SYNJ1: variants seen among roughly 807,000 people sequenced by gnomAD.
SYNJ1 encodes synaptojanin 1.
Under a neutral mutation model 168.2 loss-of-function variants are expected in SYNJ1, and 78 were observed. The observed-to-expected ratio is 0.46, with a 90% CI of 0.39 to 0.56. The LOEUF (loss-of-function observed/expected upper bound fraction) is 0.56, where lower values mean the gene tolerates loss of function less well. Ranked by LOEUF, SYNJ1 falls within the 20% of genes least tolerant of loss-of-function variation. The pLI, the probability that SYNJ1 is intolerant of heterozygous loss-of-function variation, is 0.00. For synonymous variants in SYNJ1, 539 were observed against 548.6 expected, an observed-to-expected ratio of 0.98 and a Z score of 0.24; for missense variants, 1,303 against 1,597.6, an observed-to-expected ratio of 0.82 and a Z score of 3.14.
At chr21:32,669,143 T>A (rs2041077593) in intron 15 of SYNJ1, among the ~76,000 whole-genome samples, 1 of 152,224 alleles carries the variant, frequency 6.6e-6, no homozygotes, top group Non-Finnish European at 1.5e-5. Context: ...TACTGACTTA[T>A]GATCTGTAAC....
chr21:32,712,038 CA>C (rs1288500536), intron 2 of SYNJ1, among the ~76,000 whole-genome samples: 2 of 152,142 alleles, frequency 1.3e-5, no homozygotes, highest in Admixed American at 6.5e-5. Context: ...TAAAGCCATC[CA>C]AATGAAGGGC....
chr21:32,660,310 G>A (rs1357847653), intron 18 of SYNJ1, among the ~76,000 whole-genome samples: 2 of 152,218 alleles, frequency 1.3e-5, no homozygotes, highest in Admixed American at 6.5e-5. Context: ...CCATACTGTG[G>A]TAACTTTGAT....
chr21:32,660,076 A>C (rs1012964132), intron 18 of SYNJ1, among the ~76,000 whole-genome samples: 18 of 152,242 alleles, frequency 1.2e-4, no homozygotes, highest in African/African-American at 4.3e-4. Flanking sequence ...ACCAGATTTG[A>C]CAAACCCCTT....
At position 32,641,569 on chromosome 21, in the gene SYNJ1, T is replaced by C. The variant is rs2039838047; in HGVS notation, c.3588+327A>G. ...TCCTTTTTAATGAAGGATTACTTTA[T>C]ATCTTCATTAATTACTCAGGTAAAA... is the stretch of plus-strand genomic sequence containing the variant. On this transcript the variant is annotated intron_variant, in intron 29 of 32. Transcript: ENST00000674351. Among the ~76,000 whole-genome samples, 2 of 152,226 alleles carry C rather than the reference T, an allele frequency of 1.3e-5. 1 individual carries two copies. The highest frequency in any genetic ancestry group is 4.1e-4 in the South Asian group (2 of 4,832).
At position 32,727,887 on chromosome 21, in the gene SYNJ1, C is replaced by T. The variant is rs932913715; in HGVS notation, c.-23+59G>A. Reference sequence around the variant, plus strand: ...GAGACTGGTCTTGGAGGCGTCCGCCCGCCCGGCTGCCCGTGGGTCTGGCCG... The same window carrying T: ...GAGACTGGTCTTGGAGGCGTCCGCCTGCCCGGCTGCCCGTGGGTCTGGCCG... On this transcript the variant is annotated intron_variant, in intron 1 of 32. Transcript: ENST00000674351. 1.4e-5 allele frequency: 22 copies of T among 1,526,904 alleles called. No homozygotes were observed. In the African/African-American group the frequency reaches 3.1e-4, roughly 21 times the overall value. The allele number at this position is 1,526,904 out of a possible 1,614,324, so 94.6% of individuals were successfully genotyped here.
At chr21:32,692,420 T>C (rs28379204) in intron 6 of SYNJ1, among the ~76,000 whole-genome samples, 1 of 151,618 alleles carries the variant, frequency 6.6e-6, no homozygotes, top group Non-Finnish European at 1.5e-5. Flanking sequence ...CTACTAAAAA[T>C]AAAAAAATTA....
intron 22 of SYNJ1, among the ~76,000 whole-genome samples, chr21:32,650,821 A>C (rs909823745): frequency 2.0e-5 from 3 of 152,218 alleles, no homozygotes. Context: ...CTATATTGTC[A>C]GCTGCTAAGT....
chr21:32,713,873 A>C (rs1370277542), intron 2 of SYNJ1, among the ~76,000 whole-genome samples: 1 of 152,250 alleles, frequency 6.6e-6, no homozygotes, highest in Non-Finnish European at 1.5e-5. Context: ...AAACACTTAA[A>C]ACTATTCCAT....
At chr21:32,726,457 G>T (rs1333066981) in intron 2 of SYNJ1, among the ~76,000 whole-genome samples, 4 of 152,084 alleles carry the variant, frequency 2.6e-5, no homozygotes, top group African/African-American at 9.7e-5. Flanking sequence ...GACACTGTAT[G>T]GGTTTATGTG....
intron 8 of SYNJ1, 71 bp from the exon 9 acceptor site, chr21:32,685,988 C>T (rs1046065050): frequency 2.0e-6 from 3 of 1,478,956 alleles, no homozygotes; most frequent in African/African-American, 1.4e-5. Context: ...ATATTCATCA[C>T]ATTTCATTGA....
intron 15 of SYNJ1, 82 bp from the exon 16 acceptor site, chr21:32,666,655 T>C: frequency 5.7e-6 from 8 of 1,405,710 alleles, no homozygotes; most frequent in Non-Finnish European, 7.6e-6. Context: ...ATTATACCTT[T>C]ATCTACCCAA....
At chr21:32,696,005 C>T (rs2042199531) in intron 4 of SYNJ1, among the ~76,000 whole-genome samples, 1 of 152,114 alleles carries the variant, frequency 6.6e-6, no homozygotes, top group South Asian at 2.1e-4. Context: ...CACCACCATG[C>T]TTGGCTAATT....
intron 2 of SYNJ1, among the ~76,000 whole-genome samples, chr21:32,712,493 C>A (rs2042863404): frequency 6.6e-6 from 1 of 151,960 alleles, no homozygotes; most frequent in Non-Finnish European, 1.5e-5. Flanking sequence ...AGATATTAAA[C>A]TATCTAAATT....
intron 2 of SYNJ1, 75 bp from the exon 3 acceptor site, chr21:32,702,122 G>A (rs978702657): frequency 5.5e-6 from 6 of 1,084,142 alleles, no homozygotes; most frequent in Non-Finnish European, 8.0e-6. Context: ...TAAATCCAGA[G>A]TTTCAATCAA....
intron 31 of SYNJ1, among the ~76,000 whole-genome samples, chr21:32,637,464 A>G (rs1029328933): frequency 2.3e-5 from 3 of 133,258 alleles, no homozygotes; most frequent in Non-Finnish European, 4.6e-5. Context: ...GCTGGAGTGC[A>G]GTGGTGCGAT....
At chr21:32,646,710 T>G (rs370233275) in intron 23 of SYNJ1, 108 bp from the exon 24 acceptor site, 12 of 758,228 alleles carry the variant, frequency 1.6e-5, no homozygotes, top group East Asian at 8.0e-5. Context: ...ATATGAACAT[T>G]ATGTCATTGC....
At chr21:32,688,448 A>T (rs1023774770) in intron 6 of SYNJ1, 81 bp from the exon 7 acceptor site, 1 of 1,169,790 alleles carries the variant, frequency 8.5e-7, no homozygotes. Flanking sequence ...AATATCTAAC[A>T]ATTTCTTTGC....
chr21:32,667,138 G>A (rs1039285817), intron 15 of SYNJ1, among the ~76,000 whole-genome samples: 14 of 150,720 alleles, frequency 9.3e-5, no homozygotes, highest in African/African-American at 2.9e-4. Context: ...CACATGTTCA[G>A]TATAGACACA....
intron 2 of SYNJ1, among the ~76,000 whole-genome samples, chr21:32,715,535 G>C (rs1406943558): frequency 3.3e-5 from 5 of 151,590 alleles, no homozygotes. Flanking sequence ...ATGGTCCACA[G>C]GATATTAAAT....
Sources: allele counts gnomAD v4.1 joint callset (sites outside exome capture counted in the v4.1 genomes callset), GRCh38; gene constraint gnomAD v4.1.1; transcripts MANE v1.5; gene names NCBI Gene and HGNC (gene_info 2026-07-23, HGNC 2026-07-21).